PIK3CB: variants seen among roughly 807,000 people sequenced by gnomAD.
The protein encoded by PIK3CB is phosphatidylinositol-4,5-bisphosphate 3-kinase catalytic subunit beta, also known as phosphatidylinositol 4,5-bisphosphate 3-kinase catalytic subunit beta isoform.
PIK3CB carries 39 observed loss-of-function variants against 136.8 expected under a neutral mutation model. That is an observed-to-expected ratio of 0.29 (90% CI 0.22 to 0.37). The LOEUF is 0.37. PIK3CB is among the 10% of genes least tolerant of loss of function. The probability of loss-of-function intolerance (pLI) is 1.00; values close to 1 mark genes in which losing one functional copy is unlikely to be tolerated. For missense variants in PIK3CB, 868 were observed against 1,275.4 expected (o/e 0.68, Z 4.87); for synonymous variants, 428 against 436.6 (o/e 0.98, Z 0.25).
chr3:138,766,088 G>C (rs1460666046), intron 2 of PIK3CB, among the ~76,000 whole-genome samples: 3 of 152,192 alleles, frequency 2.0e-5, no homozygotes, highest in Admixed American at 6.5e-5. Flanking sequence ...ATGTGAAGAA[G>C]AGCATAAAAT....
At chr3:138,759,915 T>C (rs2045638388) in intron 2 of PIK3CB, among the ~76,000 whole-genome samples, 1 of 151,994 alleles carries the variant, frequency 6.6e-6, no homozygotes, top group Non-Finnish European at 1.5e-5. Context: ...GCCCTTTCTC[T>C]ACAAGGACAA....
rs147695060 is a variant in PIK3CB at position 138,719,393 on chromosome 3, G to A, written c.1051-4674C>T. Among the ~76,000 whole-genome samples, 498 of 151,572 alleles carry A rather than the reference G, an allele frequency of 3.3e-3. 2 individuals are homozygous for A. Among genetic ancestry groups the A allele is most frequent in the African/African-American group, 0.011 (467 of 41,304 alleles). On this transcript the variant is annotated intron_variant, in intron 8 of 23. Coordinates refer to ENST00000674063, the MANE Select transcript of PIK3CB (RefSeq NM_006219.3). ...CCCAAGTAGCTGGGATTACAGGTGC[G>A]CACCACCATGCCTGGCTAATTTTTG...
chr3:138,656,102 G>A (rs1484395165), intron 23 of PIK3CB, 40 bp downstream of exon 23: 2 of 1,604,808 alleles, frequency 1.2e-6, no homozygotes, highest in Non-Finnish European at 1.7e-6. Flanking sequence ...TGAGCTCAAT[G>A]CCCACAAAGT....
chr3:138,822,380 T>C (rs1375412564), intron 1 of PIK3CB, among the ~76,000 whole-genome samples: 2 of 151,556 alleles, frequency 1.3e-5, no homozygotes, highest in African/African-American at 4.9e-5. Context: ...GCCCTGTCTC[T>C]ACTAAAAAAT....
At chr3:138,742,871 A>C (rs1343458918) in intron 4 of PIK3CB, 90 bp from the exon 5 acceptor site, 1 of 673,992 alleles carries the variant, frequency 1.5e-6, no homozygotes, top group Non-Finnish European at 2.4e-6. Context: ...ACAAAAACTA[A>C]CTTGGATGTT....
intron 2 of PIK3CB, among the ~76,000 whole-genome samples, chr3:138,771,567 T>C (rs753702845): frequency 3.3e-5 from 5 of 152,172 alleles, no homozygotes; most frequent in Non-Finnish European, 5.9e-5. Context: ...ATTGCTATAA[T>C]TATATGTAAG....
intron 13 of PIK3CB, among the ~76,000 whole-genome samples, chr3:138,697,164 T>TA (rs1474856912): frequency 6.6e-6 from 1 of 152,226 alleles, no homozygotes; most frequent in East Asian, 1.9e-4. Context: ...TTCTTAGATA[T>TA]GTACTCAGCA....
At chr3:138,771,770 G>T (rs1166334645) in intron 2 of PIK3CB, among the ~76,000 whole-genome samples, 1 of 151,940 alleles carries the variant, frequency 6.6e-6, no homozygotes, top group African/African-American at 2.4e-5. Flanking sequence ...TTAAAAATTG[G>T]CTGGGTGTGG....
At chr3:138,766,929 G>A (rs1258407911) in intron 2 of PIK3CB, among the ~76,000 whole-genome samples, 1 of 152,096 alleles carries the variant, frequency 6.6e-6, no homozygotes, top group East Asian at 1.9e-4. Context: ...AACACTCTAA[G>A]GAGATATATA....
intron 2 of PIK3CB, among the ~76,000 whole-genome samples, chr3:138,790,286 G>A (rs960087737): frequency 1.1e-4 from 17 of 151,972 alleles, no homozygotes; most frequent in African/African-American, 4.1e-4. Flanking sequence ...TTTTGTGAAT[G>A]TACTTAATGC....
chr3:138,710,926 T>C (rs780455211), intron 10 of PIK3CB, among the ~76,000 whole-genome samples: 2 of 151,294 alleles, frequency 1.3e-5, no homozygotes, highest in African/African-American at 2.4e-5. Flanking sequence ...CTATTAAAAA[T>C]ACAAAAAATT....
At chr3:138,792,537 C>A (rs1459228654) in intron 2 of PIK3CB, among the ~76,000 whole-genome samples, 2 of 152,050 alleles carry the variant, frequency 1.3e-5, no homozygotes, top group Non-Finnish European at 2.9e-5. Flanking sequence ...CCATGCCTGG[C>A]TAATTACAAG....
chr3:138,734,120 A>G (rs185268252), intron 7 of PIK3CB, among the ~76,000 whole-genome samples: 1 of 152,294 alleles, frequency 6.6e-6, no homozygotes, highest in East Asian at 1.9e-4. Flanking sequence ...AAAAGTATTA[A>G]CTGTTCAAAT....
chr3:138,801,674 C>A (rs538734080), intron 1 of PIK3CB, among the ~76,000 whole-genome samples: 3 of 151,818 alleles, frequency 2.0e-5, no homozygotes, highest in Admixed American at 2.0e-4. Context: ...ATCATCCTGG[C>A]CAACATGGTG....
At chr3:138,672,944 A>G (rs2043567586) in intron 19 of PIK3CB, among the ~76,000 whole-genome samples, 1 of 151,314 alleles carries the variant, frequency 6.6e-6, no homozygotes, top group South Asian at 2.1e-4. Flanking sequence ...AGAGAGAGAA[A>G]GAGATGAAAA....
intron 1 of PIK3CB, among the ~76,000 whole-genome samples, chr3:138,814,589 T>C (rs1933213084): frequency 6.6e-6 from 1 of 152,148 alleles, no homozygotes; most frequent in Non-Finnish European, 1.5e-5. Flanking sequence ...CCCTTTACTT[T>C]TTCTAGCTCT....
intron 8 of PIK3CB, among the ~76,000 whole-genome samples, chr3:138,722,701 A>C (rs1200913213): frequency 6.6e-6 from 1 of 151,844 alleles, no homozygotes; most frequent in Admixed American, 6.6e-5. Flanking sequence ...CTCAAAAAAA[A>C]AAAACCCAAA....
chr3:138,682,668 G>C (rs1217822755), intron 18 of PIK3CB, among the ~76,000 whole-genome samples: 1 of 152,198 alleles, frequency 6.6e-6, no homozygotes, highest in Non-Finnish European at 1.5e-5. Flanking sequence ...TCAGGGAAGA[G>C]AGCACATGAA....
chr3:138,674,872 G>A (rs1337507127), intron 19 of PIK3CB, among the ~76,000 whole-genome samples: 2 of 152,042 alleles, frequency 1.3e-5, no homozygotes, highest in East Asian at 1.9e-4. Context: ...CCTGGCCAAC[G>A]TGATGAAACC....
Sources: gnomAD v4.1 joint callset for allele counts (sites outside exome capture counted in the v4.1 genomes callset) on GRCh38, gnomAD v4.1.1 for gene constraint, MANE v1.5 for transcripts, NCBI Gene and HGNC (gene_info 2026-07-23, HGNC 2026-07-21) for gene names.